The following DPYD variants were observed in gnomAD, a reference collection of about 807,000 sequenced individuals.
DPYD encodes the protein dihydropyrimidine dehydrogenase [NADP(+)].
A neutral mutation model predicts 116.2 loss-of-function variants in DPYD; 109 were observed. That is an observed-to-expected ratio of 0.94 (90% CI 0.80 to 1.10). The LOEUF (loss-of-function observed/expected upper bound fraction) is 1.10, where lower values mean the gene tolerates loss of function less well. Among genes scored for constraint, DPYD ranks in the 50% least tolerant of loss-of-function variants. The pLI is 0.00. For synonymous variants in DPYD, 440 were observed against 432.0 expected (o/e 1.02, Z -0.23); for missense variants, 1,302 against 1,254.5 (o/e 1.04, Z -0.57).
At chr1:97,554,753 C>T (rs1283802806) in intron 11 of DPYD, among the ~76,000 whole-genome samples, 1 of 152,128 alleles carries the variant, frequency 6.6e-6, no homozygotes, top group Non-Finnish European at 1.5e-5. Context: ...GTCTTCACAT[C>T]TCCCTTCCAC....
rs919596571 is a variant in DPYD, at chr1:97,098,621, A to C, written c.2634T>G (p.Ser878Arg). 3.7e-6 allele frequency: 6 copies of C among 1,612,804 alleles called. No homozygotes were observed. In the Admixed American group the frequency reaches 5.0e-5, roughly 13 times the overall value. Reference protein sequence around the residue: ...IAELMDKKLPSFGPYLEQRKK... With the variant: ...IAELMDKKLPRFGPYLEQRKK... ...TGCGCTGTTCCAGATAAGGTCCAAA[A>C]CTTGGCAGTTTCTAAAAGGAAAACA... The change falls in exon 21 of 23, where the codon AGT becomes AGG. Residue 878 changes from serine (S) to arginine (R), a missense_variant. Physicochemically the swap from Ser to Arg is moderately radical, Grantham distance 110. Coordinates refer to ENST00000370192, the MANE Select transcript of DPYD (RefSeq NM_000110.4).
chr1:97,584,693 G>A lies in DPYD; in HGVS notation c.1128+8525C>T, dbSNP rs534118621. ...AAACCATCATTCTCAGCAAACTACCGCAACGACAAAAAGCCAAACACTGCA... is the reference window on the plus strand; with the variant it reads ...AAACCATCATTCTCAGCAAACTACCACAACGACAAAAAGCCAAACACTGCA... On this transcript the variant is annotated intron_variant, in intron 10 of 22. Transcript: ENST00000370192. Among the ~76,000 whole-genome samples, 16 of 149,378 alleles carry A rather than the reference G, an allele frequency of 1.1e-4. No individual in the cohort carries two copies. In the South Asian group the frequency reaches 1.7e-3, roughly 16 times the overall value.
intron 16 of DPYD, among the ~76,000 whole-genome samples, chr1:97,358,782 T>C (rs1315619871): frequency 2.0e-5 from 3 of 152,006 alleles, no homozygotes; most frequent in African/African-American, 7.2e-5. Context: ...AAAAAGGACA[T>C]CTACACCAAA....
chr1:97,816,481 A>C (rs558864495), intron 3 of DPYD, among the ~76,000 whole-genome samples: 13 of 152,296 alleles, frequency 8.5e-5, no homozygotes, highest in African/African-American at 2.9e-4. Context: ...AATCGGTAGC[A>C]GATATCATAG....
At chr1:97,849,483 G>A (rs112716046) in intron 2 of DPYD, among the ~76,000 whole-genome samples, 1 of 151,764 alleles carries the variant, frequency 6.6e-6, no homozygotes, top group African/African-American at 2.4e-5. Context: ...CCCTGTAAAA[G>A]AGCCATTTCT....
intron 20 of DPYD, among the ~76,000 whole-genome samples, chr1:97,108,391 A>G (rs1651337187): frequency 6.6e-6 from 1 of 152,142 alleles, no homozygotes; most frequent in Non-Finnish European, 1.5e-5. Context: ...CAAATTCACA[A>G]TTAGAATTCC....
intron 4 of DPYD, among the ~76,000 whole-genome samples, chr1:97,725,832 G>A (rs1449036823): frequency 6.6e-6 from 1 of 151,482 alleles, no homozygotes; most frequent in African/African-American, 2.4e-5. Flanking sequence ...GAGAGGGAAT[G>A]GACAATAACT....
chr1:97,824,423 A>G (rs1436616352), intron 3 of DPYD, among the ~76,000 whole-genome samples: 1 of 152,204 alleles, frequency 6.6e-6, no homozygotes, highest in African/African-American at 2.4e-5. Flanking sequence ...CCTTTAGGGC[A>G]GCACAGAACA....
At chr1:97,823,345 G>A (rs900464348) in intron 3 of DPYD, among the ~76,000 whole-genome samples, 8 of 152,018 alleles carry the variant, frequency 5.3e-5, no homozygotes, top group African/African-American at 1.2e-4. Flanking sequence ...TAGTAGAGAC[G>A]GGGTTTCACC....
chr1:97,270,296 A>C (rs1445359645), intron 18 of DPYD, among the ~76,000 whole-genome samples: 1 of 152,220 alleles, frequency 6.6e-6, no homozygotes, highest in Non-Finnish European at 1.5e-5. Context: ...GCATCATAAT[A>C]TTCCAGTAGA....
chr1:97,834,146 G>T (rs905221553), intron 2 of DPYD, among the ~76,000 whole-genome samples: 2 of 151,928 alleles, frequency 1.3e-5, no homozygotes, highest in Non-Finnish European at 2.9e-5. Context: ...GAAACAAGGG[G>T]TCCAAAAGTT....
intron 8 of DPYD, among the ~76,000 whole-genome samples, chr1:97,674,766 C>A (rs1002659912): frequency 6.6e-6 from 1 of 152,024 alleles, no homozygotes; most frequent in Non-Finnish European, 1.5e-5. Flanking sequence ...TATGATATTT[C>A]TGACTCAATT....
intron 20 of DPYD, among the ~76,000 whole-genome samples, chr1:97,135,987 T>G (rs1653760858): frequency 6.6e-6 from 1 of 152,196 alleles, no homozygotes; most frequent in South Asian, 2.1e-4. Flanking sequence ...AGGACTTTGA[T>G]AGAGTCCAGT....
intron 20 of DPYD, among the ~76,000 whole-genome samples, chr1:97,106,279 T>G (rs1651135178): frequency 6.6e-6 from 1 of 152,148 alleles, no homozygotes; most frequent in African/African-American, 2.4e-5. Context: ...TAATTTTATG[T>G]ATCATCTTGA....
intron 11 of DPYD, among the ~76,000 whole-genome samples, chr1:97,572,584 AT>A (rs1236018592): frequency 1.3e-5 from 2 of 151,928 alleles, no homozygotes; most frequent in Non-Finnish European, 2.9e-5. Context: ...GAAGAATGGG[AT>A]TTTTAAGATA....
At chr1:97,477,915 C>T (rs1251257891) in intron 13 of DPYD, among the ~76,000 whole-genome samples, 1 of 152,160 alleles carries the variant, frequency 6.6e-6, no homozygotes, top group Non-Finnish European at 1.5e-5. Context: ...TTAATGAAAC[C>T]TAGAATGGTA....
chr1:97,208,057 C>T (rs1361614302), intron 19 of DPYD, among the ~76,000 whole-genome samples: 7 of 152,102 alleles, frequency 4.6e-5, no homozygotes, highest in Non-Finnish European at 1.0e-4. Context: ...CCAGTAAAGG[C>T]CTTCTCTCTG....
Position 97,290,709 on chromosome 1 carries a change from G to T in DPYD, c.2299+14550C>A, listed in dbSNP as rs1200646417. ...TTCAAGATAGATTAAAGACTTAAACGTTAGACCTAAAACCATAAAAACCCT... is the reference window on the plus strand; with the variant it reads ...TTCAAGATAGATTAAAGACTTAAACTTTAGACCTAAAACCATAAAAACCCT... On this transcript the variant is annotated intron_variant, in intron 18 of 22. Coordinates refer to ENST00000370192, the MANE Select transcript of DPYD (RefSeq NM_000110.4). Among the ~76,000 whole-genome samples, 4 of 151,874 alleles carry T rather than the reference G, an allele frequency of 2.6e-5. No individual in the cohort carries two copies. In the East Asian group the frequency reaches 7.7e-4, roughly 29 times the overall value.
intron 3 of DPYD, among the ~76,000 whole-genome samples, chr1:97,766,085 C>CA (rs947038718): frequency 6.6e-6 from 1 of 151,944 alleles, no homozygotes; most frequent in Admixed American, 6.6e-5. Context: ...TAAAAAAACA[C>CA]AAAAAATTAG....
Sources: allele counts gnomAD v4.1 joint callset (sites outside exome capture counted in the v4.1 genomes callset), GRCh38; gene constraint gnomAD v4.1.1; transcripts MANE v1.5; gene names NCBI Gene and HGNC (gene_info 2026-07-23, HGNC 2026-07-21).